ARHGAP24: variants seen among roughly 807,000 people sequenced by gnomAD.
ARHGAP24 encodes the protein Rho GTPase activating protein 24, also known as rho GTPase-activating protein 24.
In ARHGAP24, 50 loss-of-function variants were observed where a neutral mutation model predicts 76.4. The ratio of observed to expected loss-of-function variants is 0.65; its 90% CI spans 0.52 to 0.83. The LOEUF (loss-of-function observed/expected upper bound fraction) is 0.83, where lower values mean the gene tolerates loss of function less well. Among genes scored for constraint, ARHGAP24 ranks in the 40% least tolerant of loss-of-function variants. The pLI is 0.00. For missense variants in ARHGAP24, 930 were observed against 914.2 expected, an observed-to-expected ratio of 1.02 and a Z score of -0.22; for synonymous variants, 345 against 323.3, an observed-to-expected ratio of 1.07 and a Z score of -0.72.
chr4:85,851,932 G>A (rs539455275), intron 3 of ARHGAP24, among the ~76,000 whole-genome samples: 155 of 152,158 alleles, frequency 1.0e-3, no homozygotes, highest in African/African-American at 3.7e-3. Flanking sequence ...GTGTCTGGGG[G>A]TTGCTCTTCT....
intron 3 of ARHGAP24, among the ~76,000 whole-genome samples, chr4:85,758,682 C>T (rs754090378): frequency 5.3e-5 from 8 of 152,068 alleles, no homozygotes; most frequent in Non-Finnish European, 8.8e-5. Flanking sequence ...GGAAGGACTT[C>T]GCGAGACATC....
intron 5 of ARHGAP24, among the ~76,000 whole-genome samples, chr4:85,967,062 G>A (rs906344964): frequency 1.3e-5 from 2 of 152,020 alleles, no homozygotes; most frequent in African/African-American, 4.8e-5. Flanking sequence ...AGGAGGAATG[G>A]GGATAGAGAA....
chr4:85,533,183 A>G (rs1446455725), intron 1 of ARHGAP24, among the ~76,000 whole-genome samples: 1 of 152,190 alleles, frequency 6.6e-6, no homozygotes, highest in Non-Finnish European at 1.5e-5. Flanking sequence ...GCTTATGGTG[A>G]TAAACCTCAA....
intron 6 of ARHGAP24, among the ~76,000 whole-genome samples, chr4:85,972,638 C>T (rs974036093): frequency 6.6e-6 from 1 of 152,164 alleles, no homozygotes; most frequent in African/African-American, 2.4e-5. Context: ...AGTATATTCT[C>T]AGAGTTGTGC....
intron 3 of ARHGAP24, among the ~76,000 whole-genome samples, chr4:85,757,613 T>A (rs1305352655): frequency 6.6e-6 from 1 of 152,238 alleles, no homozygotes; most frequent in Admixed American, 6.5e-5. Context: ...ACCCAGCCTA[T>A]CATTAATGGA....
At chr4:85,677,485 A>G (rs6531848) in intron 2 of ARHGAP24, among the ~76,000 whole-genome samples, 140,683 of 152,316 alleles carry the variant, frequency 0.92, 65,023 homozygotes, top group East Asian at 0.98. Context: ...CTGGCAGACC[A>G]CCAAGGATGT....
intron 2 of ARHGAP24, among the ~76,000 whole-genome samples, chr4:85,605,338 G>A (rs946526608): frequency 1.3e-5 from 2 of 152,040 alleles, no homozygotes; most frequent in Non-Finnish European, 2.9e-5. Context: ...TTTCCAGATG[G>A]GAAGTCCACA....
chr4:85,784,257 G>A (rs1477466022), intron 3 of ARHGAP24, among the ~76,000 whole-genome samples: 4 of 151,158 alleles, frequency 2.6e-5, no homozygotes, highest in Non-Finnish European at 5.9e-5. Flanking sequence ...TAGAGATCTT[G>A]TAGAGATCTA....
intron 3 of ARHGAP24, among the ~76,000 whole-genome samples, chr4:85,743,070 CT>C (rs1280501883): frequency 6.6e-6 from 1 of 151,946 alleles, no homozygotes; most frequent in Non-Finnish European, 1.5e-5. Flanking sequence ...ATGAGAGAAT[CT>C]GAATCTCTAG....
At chr4:85,848,622 A>G (rs1449800042) in intron 3 of ARHGAP24, among the ~76,000 whole-genome samples, 1 of 152,158 alleles carries the variant, frequency 6.6e-6, no homozygotes, top group African/African-American at 2.4e-5. Context: ...TAATTTTTGT[A>G]TAAGGTGCAA....
At chr4:85,761,054 A>C (rs979248375) in intron 3 of ARHGAP24, among the ~76,000 whole-genome samples, 1 of 152,188 alleles carries the variant, frequency 6.6e-6, no homozygotes, top group Non-Finnish European at 1.5e-5. Context: ...TGTCGACAGG[A>C]AAAATGAAGA....
chr4:85,905,866 G>C (rs1042745886), intron 3 of ARHGAP24, among the ~76,000 whole-genome samples: 1 of 152,126 alleles, frequency 6.6e-6, no homozygotes, highest in Admixed American at 6.6e-5. Flanking sequence ...GTGCACTTGG[G>C]TTGCTTTTCA....
At chr4:85,860,991 T>G (rs1731859143) in intron 3 of ARHGAP24, among the ~76,000 whole-genome samples, 3 of 139,704 alleles carry the variant, frequency 2.1e-5, no homozygotes, top group Admixed American at 2.1e-4. Flanking sequence ...TATTATTCTG[T>G]GCATGCACGC....
At chr4:85,586,165 C>A (rs1560542464) in intron 2 of ARHGAP24, among the ~76,000 whole-genome samples, 1 of 152,018 alleles carries the variant, frequency 6.6e-6, no homozygotes, top group South Asian at 2.1e-4. Flanking sequence ...ATTCTTTTAG[C>A]CAATTGCTAT....
intron 2 of ARHGAP24, among the ~76,000 whole-genome samples, chr4:85,657,712 A>T (rs1046579603): frequency 4.6e-5 from 7 of 152,188 alleles, no homozygotes; most frequent in Non-Finnish European, 1.5e-5. Flanking sequence ...GCCGGGGTAG[A>T]TGATAACTAC....
intron 3 of ARHGAP24, among the ~76,000 whole-genome samples, chr4:85,774,783 G>A (rs1490890361): frequency 2.0e-5 from 3 of 152,148 alleles, no homozygotes. Context: ...GCAGTGTTAA[G>A]TCAATTGCAG....
chr4:85,861,593 A>C (rs1731900559), intron 3 of ARHGAP24, among the ~76,000 whole-genome samples: 3 of 152,076 alleles, frequency 2.0e-5, no homozygotes, highest in South Asian at 4.1e-4. Flanking sequence ...ACAGTTAAGG[A>C]GGAAAAGAGG....
intron 5 of ARHGAP24, among the ~76,000 whole-genome samples, chr4:85,956,014 A>C (rs75560921): frequency 0.02 from 3,098 of 152,298 alleles, 127 homozygotes; most frequent in African/African-American, 0.072. Context: ...TAGAGCCTCA[A>C]TATCATAGTG....
chr4:85,894,434 G>A (rs972691670), intron 3 of ARHGAP24, among the ~76,000 whole-genome samples: 2 of 152,174 alleles, frequency 1.3e-5, no homozygotes, highest in African/African-American at 2.4e-5. Flanking sequence ...AAGGTGTATA[G>A]TCAACTCTCT....
Sources: allele counts gnomAD v4.1 joint callset (sites outside exome capture counted in the v4.1 genomes callset), GRCh38; gene constraint gnomAD v4.1.1; transcripts MANE v1.5; gene names NCBI Gene and HGNC (gene_info 2026-07-23, HGNC 2026-07-21).